Variants in KCNH5 observed in about 807,000 individuals in gnomAD.
KCNH5 encodes voltage-gated delayed rectifier potassium channel KCNH5.
A neutral mutation model predicts 96.1 loss-of-function variants in KCNH5; 46 were observed. That is an observed-to-expected ratio of 0.48 (90% CI 0.38 to 0.61). The LOEUF (loss-of-function observed/expected upper bound fraction) is 0.61. Among genes scored for constraint, KCNH5 ranks in the 20% least tolerant of loss-of-function variants. The pLI is 0.00. For synonymous variants in KCNH5, 439 were observed against 449.8 expected (o/e 0.98, Z 0.30); for missense variants, 907 against 1,225.8 (o/e 0.74, Z 3.88).
chr14:62,712,755 T>C (rs1362673519), intron 10 of KCNH5: 1 of 769,990 alleles, frequency 1.3e-6, no homozygotes, highest in Non-Finnish European at 2.4e-6. Context: ...AGCTGTATAC[T>C]TGCTGGGAAA....
chr14:62,925,528 A>G (rs1889458578), intron 7 of KCNH5, among the ~76,000 whole-genome samples: 1 of 152,102 alleles, frequency 6.6e-6, no homozygotes, highest in African/African-American at 2.4e-5. Flanking sequence ...ATATACTTAC[A>G]TATGTTATAT....
chr14:62,719,400 T>G (rs1465186411), intron 10 of KCNH5, among the ~76,000 whole-genome samples: 1 of 152,230 alleles, frequency 6.6e-6, no homozygotes, highest in Non-Finnish European at 1.5e-5. Flanking sequence ...TGGTCCATCC[T>G]ATGCTATACC....
chr14:62,799,798 A>T (rs1183963510), intron 9 of KCNH5, among the ~76,000 whole-genome samples: 1 of 137,924 alleles, frequency 7.3e-6, no homozygotes, highest in Non-Finnish European at 1.6e-5. Flanking sequence ...TTAATATATT[A>T]TATATTTAAT....
At chr14:62,968,200 C>T (rs10133092) in intron 6 of KCNH5, among the ~76,000 whole-genome samples, 58,369 of 152,006 alleles carry the variant, frequency 0.38, 11,651 homozygotes, top group African/African-American at 0.47. Flanking sequence ...AGCCATCATG[C>T]TCCAATTTGG....
intron 1 of KCNH5, among the ~76,000 whole-genome samples, chr14:63,028,518 G>A (rs760835164): frequency 6.6e-6 from 1 of 152,074 alleles, no homozygotes; most frequent in African/African-American, 2.4e-5. Context: ...GGTCAGAAGT[G>A]GCAACTAGAA....
intron 8 of KCNH5, among the ~76,000 whole-genome samples, chr14:62,825,455 C>T (rs1219025607): frequency 6.6e-6 from 1 of 151,738 alleles, no homozygotes; most frequent in Non-Finnish European, 1.5e-5. Flanking sequence ...TCTCTTACTA[C>T]ATTAAACTAA....
chr14:62,886,211 C>T (rs1447121771), intron 7 of KCNH5, among the ~76,000 whole-genome samples: 1 of 151,982 alleles, frequency 6.6e-6, no homozygotes, highest in Non-Finnish European at 1.5e-5. Context: ...AACAGATGTG[C>T]CCAAACATCT....
At chr14:62,882,941 A>G (rs1888523145) in intron 7 of KCNH5, among the ~76,000 whole-genome samples, 1 of 152,212 alleles carries the variant, frequency 6.6e-6, no homozygotes, top group African/African-American at 2.4e-5. Context: ...TTTCTACTTT[A>G]TGGCCTAAGA....
intron 10 of KCNH5, among the ~76,000 whole-genome samples, chr14:62,758,107 T>C (rs1417416400): frequency 6.7e-6 from 1 of 148,306 alleles, no homozygotes; most frequent in Non-Finnish European, 1.5e-5. Flanking sequence ...ATTGGGCCAC[T>C]GCACTCCAGC....
chr14:62,709,551 T>C (rs933669939), intron 10 of KCNH5, among the ~76,000 whole-genome samples: 1 of 152,194 alleles, frequency 6.6e-6, no homozygotes, highest in Non-Finnish European at 1.5e-5. Flanking sequence ...TATGACATGT[T>C]CACTGGGTTG....
chr14:62,775,930 G>C (rs1436085928), intron 10 of KCNH5, among the ~76,000 whole-genome samples: 1 of 152,152 alleles, frequency 6.6e-6, no homozygotes, highest in Non-Finnish European at 1.5e-5. Flanking sequence ...CCAATGTGAT[G>C]GTATTTGGAG....
chr14:62,950,062 T>A, intron 7 of KCNH5, 71 bp downstream of exon 7: 1 of 1,360,022 alleles, frequency 7.4e-7, no homozygotes, highest in Non-Finnish European at 1.0e-6. Context: ...TTCGTTTTCA[T>A]CCTATCTGAG....
intron 1 of KCNH5, among the ~76,000 whole-genome samples, chr14:63,037,815 A>C (rs926705753): frequency 2.6e-5 from 4 of 152,188 alleles, no homozygotes; most frequent in African/African-American, 7.2e-5. Flanking sequence ...CTCACTCAGA[A>C]GGTACTTAAG....
At chr14:62,966,513 A>G (rs1439883645) in intron 6 of KCNH5, among the ~76,000 whole-genome samples, 10 of 152,192 alleles carry the variant, frequency 6.6e-5, no homozygotes, top group African/African-American at 2.4e-4. Flanking sequence ...TAATCTCACC[A>G]TCACCACTAC....
chr14:62,738,078 C>G (rs1168401532), intron 10 of KCNH5, among the ~76,000 whole-genome samples: 9 of 151,982 alleles, frequency 5.9e-5, no homozygotes, highest in Non-Finnish European at 1.0e-4. Context: ...CACTTTGGGG[C>G]CATTATTAAA....
chr14:63,034,890 T>C (rs1416084211), intron 1 of KCNH5, among the ~76,000 whole-genome samples: 1 of 152,236 alleles, frequency 6.6e-6, no homozygotes, highest in African/African-American at 2.4e-5. Context: ...CTACTTTTAA[T>C]AGTTGGTGTT....
intron 7 of KCNH5, among the ~76,000 whole-genome samples, chr14:62,851,428 G>A (rs1410847773): frequency 6.7e-6 from 1 of 149,258 alleles, no homozygotes; most frequent in African/African-American, 2.5e-5. Context: ...TAGGATTCTG[G>A]TTATAGTATC....
chr14:62,793,966 T>C (rs1886487468), intron 9 of KCNH5, among the ~76,000 whole-genome samples: 1 of 151,974 alleles, frequency 6.6e-6, no homozygotes, highest in Admixed American at 6.6e-5. Flanking sequence ...ACCAACTAAG[T>C]AGACTCTGAA....
intron 10 of KCNH5, among the ~76,000 whole-genome samples, chr14:62,709,190 G>A (rs1028580715): frequency 4.7e-4 from 59 of 126,218 alleles, no homozygotes; most frequent in African/African-American, 1.6e-3. Context: ...CGGAGATCGC[G>A]CCACAGCACT....
Sources: gnomAD v4.1 joint callset for allele counts (sites outside exome capture counted in the v4.1 genomes callset) on GRCh38, gnomAD v4.1.1 for gene constraint, MANE v1.5 for transcripts, NCBI Gene and HGNC (gene_info 2026-07-23, HGNC 2026-07-21) for gene names.